Variants in FER1L6 observed in about 807,000 individuals in gnomAD.
The protein encoded by FER1L6 is fer-1-like protein 6.
A neutral mutation model predicts 219.2 loss-of-function variants in FER1L6; 177 were observed. The ratio of observed to expected loss-of-function variants is 0.81; its 90% CI spans 0.71 to 0.91. The LOEUF is 0.91. FER1L6 is among the 40% of genes least tolerant of loss of function. FER1L6 has a pLI of 0.00. For missense variants in FER1L6, 2,153 were observed against 2,259.9 expected, an observed-to-expected ratio of 0.95 and a Z score of 0.96; for synonymous variants, 768 against 824.3, an observed-to-expected ratio of 0.93 and a Z score of 1.17.
intron 2 of FER1L6, among the ~76,000 whole-genome samples, chr8:123,956,893 G>C (rs1365016223): frequency 6.6e-6 from 1 of 152,204 alleles, no homozygotes; most frequent in Admixed American, 6.5e-5. Flanking sequence ...AAAGTCTTGA[G>C]TTACAGGGTG....
At chr8:124,024,736 T>C (rs561045275) in intron 18 of FER1L6, among the ~76,000 whole-genome samples, 19 of 152,346 alleles carry the variant, frequency 1.2e-4, no homozygotes, top group African/African-American at 4.3e-4. Flanking sequence ...GTGGGATTGC[T>C]GGGTTGAATG....
intron 2 of FER1L6, among the ~76,000 whole-genome samples, chr8:123,958,106 G>A (rs1414390235): frequency 6.6e-6 from 1 of 152,146 alleles, no homozygotes; most frequent in Non-Finnish European, 1.5e-5. Flanking sequence ...AATAGTTATT[G>A]GGTACCTCCC....
At chr8:123,987,835 G>C (rs1056869153) in intron 12 of FER1L6, among the ~76,000 whole-genome samples, 3 of 152,094 alleles carry the variant, frequency 2.0e-5, no homozygotes, top group African/African-American at 7.2e-5. Context: ...TCACTGGCTG[G>C]GTGCGGTGGC....
chr8:123,881,432 G>C (rs965119430), intron 1 of FER1L6, among the ~76,000 whole-genome samples: 1 of 152,112 alleles, frequency 6.6e-6, no homozygotes, highest in African/African-American at 2.4e-5. Flanking sequence ...TTTTCTTTAA[G>C]ACTCTTGAGT....
In FER1L6 at chr8:123,883,130, T is replaced by C. The variant is rs80039753; in HGVS notation, c.-8+30945T>C. Among the ~76,000 whole-genome samples, 876 of 152,142 alleles carry C rather than the reference T, an allele frequency of 5.8e-3. 13 individuals carry two copies. Among genetic ancestry groups the C allele is most frequent in the African/African-American group, 0.02 (850 of 41,496 alleles). ...CCAGAGGTAAATTTGAGCTGAGATA[T>C]GAATAATGAGAAGGTGTGAACAATG... On this transcript the variant is annotated intron_variant, in intron 1 of 40. Transcript: ENST00000522917.
At position 124,072,708 on chromosome 8, in the gene FER1L6, G is replaced by A. The variant is rs529836699; in HGVS notation, c.4092+1077G>A. Among the ~76,000 whole-genome samples, 2 of 152,306 alleles carry A rather than the reference G, an allele frequency of 1.3e-5. 1 individual carries two copies. The highest frequency in any genetic ancestry group is 4.1e-4 in the South Asian group (2 of 4,826). On this transcript the variant is annotated intron_variant, in intron 31 of 40. Coordinates refer to ENST00000522917, the MANE Select transcript of FER1L6 (RefSeq NM_001039112.2). ...GGGATGTTGTGATGAAAAGAACATA[G>A]TCTCTGCCTTCAGGGAAGTCACAGT...
chr8:123,864,802 T>C (rs1816804541), intron 1 of FER1L6, among the ~76,000 whole-genome samples: 1 of 150,612 alleles, frequency 6.6e-6, no homozygotes, highest in Non-Finnish European at 1.5e-5. Context: ...ATTCTTCACG[T>C]AGTTCTCAAG....
At chr8:123,880,930 C>A (rs569848831) in intron 1 of FER1L6, among the ~76,000 whole-genome samples, 1 of 152,266 alleles carries the variant, frequency 6.6e-6, no homozygotes, top group African/African-American at 2.4e-5. Context: ...CCTCCCCTGG[C>A]CTTTTACTTG....
chr8:123,976,711 C>T lies in FER1L6; in HGVS notation c.870+627C>T, dbSNP rs116431623. ...CACATCCGGTAGAATTTCCACCCAC[C>T]TCCTGACCTGTTCCACAATCTCCCC... On this transcript the variant is annotated intron_variant, in intron 9 of 40. Coordinates refer to ENST00000522917, the MANE Select transcript of FER1L6 (RefSeq NM_001039112.2). Among the ~76,000 whole-genome samples the T allele has an allele frequency of 3.6e-3, 542 of 152,238 alleles. 2 individuals carry two copies. The highest frequency in any genetic ancestry group is 0.012 in the African/African-American group (514 of 41,552).
chr8:123,974,638 C>T (rs1208438401), intron 7 of FER1L6, among the ~76,000 whole-genome samples: 1 of 83,794 alleles, frequency 1.2e-5, no homozygotes, highest in Non-Finnish European at 2.5e-5. Flanking sequence ...TCCAGCCAGG[C>T]ATCACAGCGA....
intron 1 of FER1L6, among the ~76,000 whole-genome samples, chr8:123,911,632 A>C (rs1813048223): frequency 6.6e-6 from 1 of 152,124 alleles, no homozygotes; most frequent in Non-Finnish European, 1.5e-5. Context: ...AGGATGCTGA[A>C]ACACAGGAGC....
At chr8:123,912,416 T>TC (rs1271408092) in intron 1 of FER1L6, among the ~76,000 whole-genome samples, 1 of 152,174 alleles carries the variant, frequency 6.6e-6, no homozygotes, top group East Asian at 1.9e-4. Context: ...GTTTTGCACC[T>TC]GTAGGGGCTT....
intron 18 of FER1L6, among the ~76,000 whole-genome samples, chr8:124,034,423 CT>C (rs1371204434): frequency 6.6e-6 from 1 of 152,158 alleles, no homozygotes; most frequent in Non-Finnish European, 1.5e-5. Flanking sequence ...ACATGCACCC[CT>C]ATGCAGGCAT....
chr8:124,066,364 G>A, intron 26 of FER1L6, 64 bp from the exon 27 acceptor site: 1 of 1,573,186 alleles, frequency 6.4e-7, no homozygotes, highest in Non-Finnish European at 8.6e-7. Context: ...TCACAAGCCA[G>A]TTGACCATCA....
chr8:124,033,547 A>T (rs1323679798), intron 18 of FER1L6, among the ~76,000 whole-genome samples: 2 of 152,118 alleles, frequency 1.3e-5, no homozygotes, highest in African/African-American at 4.8e-5. Flanking sequence ...TAAAGAATAC[A>T]GTCCCAGCTC....
chr8:124,071,277 T>C (rs1821058437), intron 30 of FER1L6, among the ~76,000 whole-genome samples: 1 of 152,190 alleles, frequency 6.6e-6, no homozygotes, highest in Non-Finnish European at 1.5e-5. Flanking sequence ...ATAACAGTCC[T>C]GTGAGGGGGT....
intron 1 of FER1L6, among the ~76,000 whole-genome samples, chr8:123,928,828 G>T (rs1367870358): frequency 6.6e-6 from 1 of 152,172 alleles, no homozygotes; most frequent in Non-Finnish European, 1.5e-5. Flanking sequence ...GTAGAATAGG[G>T]TTATTTGCCA....
At chr8:123,861,457 C>T (rs1340380442) in intron 1 of FER1L6, among the ~76,000 whole-genome samples, 13 of 144,018 alleles carry the variant, frequency 9.0e-5, no homozygotes, top group Admixed American at 2.1e-4. Flanking sequence ...ATTGACTTGG[C>T]GATGCGGGCT....
At chr8:123,923,297 T>G (rs1813432087) in intron 1 of FER1L6, among the ~76,000 whole-genome samples, 1 of 152,198 alleles carries the variant, frequency 6.6e-6, no homozygotes, top group African/African-American at 2.4e-5. Context: ...GAGAGGCGAA[T>G]GAAGCAACTT....
Sources: gnomAD v4.1 joint callset for allele counts (sites outside exome capture counted in the v4.1 genomes callset) on GRCh38, gnomAD v4.1.1 for gene constraint, MANE v1.5 for transcripts, NCBI Gene and HGNC (gene_info 2026-07-23, HGNC 2026-07-21) for gene names.